The following WDR7 variants were observed in gnomAD, a reference collection of about 807,000 sequenced individuals.
WDR7 encodes WD repeat-containing protein 7.
In WDR7, 46 loss-of-function variants were observed where a neutral mutation model predicts 169.4. That is an observed-to-expected ratio of 0.27 (90% CI 0.21 to 0.35). The LOEUF (loss-of-function observed/expected upper bound fraction) is 0.35, where lower values mean the gene tolerates loss of function less well. Among genes scored for constraint, WDR7 ranks in the 10% least tolerant of loss-of-function variants. The probability of loss-of-function intolerance (pLI) is 1.00; values close to 1 mark genes in which losing one functional copy is unlikely to be tolerated. For synonymous variants in WDR7, 612 were observed against 666.8 expected (o/e 0.92, Z 1.27); for missense variants, 1,534 against 1,859.3 (o/e 0.83, Z 3.22).
chr18:56,753,289 A>G (rs1165546170), intron 14 of WDR7: 1 of 152,158 alleles, frequency 6.6e-6, no homozygotes, highest in Non-Finnish European at 1.5e-5. Flanking sequence ...AACTGGTTGG[A>G]CCAATTAGTT....
rs536118903 is a variant in WDR7 at position 56,924,533 on chromosome 18, C to T, written c.3713+425C>T. On this transcript the variant is annotated intron_variant, in intron 22 of 27. Coordinates refer to ENST00000254442, the MANE Select transcript of WDR7 (RefSeq NM_015285.3). ...TTAAATCAACTACGTTGAGGTTTCA[C>T]TTAAACACAGTAAAGGACCAGCCAT... Among the ~76,000 whole-genome samples the T allele has an allele frequency of 1.1e-3, 166 of 152,288 alleles. 1 individual carries two copies. The highest frequency in any genetic ancestry group is 3.4e-3 in the Middle Eastern group (1 of 294).
intron 19 of WDR7, among the ~76,000 whole-genome samples, chr18:56,803,772 C>A (rs910287265): frequency 6.6e-6 from 1 of 152,148 alleles, no homozygotes; most frequent in African/African-American, 2.4e-5. Flanking sequence ...CTAAACTCAA[C>A]CCCTTGTATC....
chr18:56,997,442 A>G (rs953939159), intron 26 of WDR7, among the ~76,000 whole-genome samples: 1 of 139,272 alleles, frequency 7.2e-6, no homozygotes. Context: ...AAGTTAATGC[A>G]TTATTGTAAA....
chr18:56,843,976 C>A (rs1484570892), intron 20 of WDR7, among the ~76,000 whole-genome samples: 1 of 151,482 alleles, frequency 6.6e-6, no homozygotes. Context: ...AATTGTCCTG[C>A]CTCAGCCTCC....
chr18:56,782,352 AAC>A (rs1174728879), intron 19 of WDR7, among the ~76,000 whole-genome samples: 15 of 152,236 alleles, frequency 9.9e-5, no homozygotes, highest in African/African-American at 3.1e-4. Context: ...TTTTTCTAAA[AAC>A]AGTTTAGTTA....
At chr18:56,882,015 T>C (rs951211326) in intron 21 of WDR7, among the ~76,000 whole-genome samples, 3 of 152,258 alleles carry the variant, frequency 2.0e-5, no homozygotes, top group Non-Finnish European at 4.4e-5. Context: ...CTCAAGTGTC[T>C]TGCGACCTGA....
intron 13 of WDR7, among the ~76,000 whole-genome samples, chr18:56,719,345 C>T (rs2026264316): frequency 6.6e-6 from 1 of 152,058 alleles, no homozygotes; most frequent in Non-Finnish European, 1.5e-5. Flanking sequence ...GGGCGGATCA[C>T]GAGGTCAGGA....
At chr18:56,734,122 C>T (rs1453686969) in intron 14 of WDR7, among the ~76,000 whole-genome samples, 2 of 152,128 alleles carry the variant, frequency 1.3e-5, no homozygotes, top group African/African-American at 4.8e-5. Flanking sequence ...TCTTCCTTTG[C>T]AAAAGGAAGT....
intron 1 of WDR7, among the ~76,000 whole-genome samples, chr18:56,659,069 A>T (rs2144430464): frequency 6.6e-6 from 1 of 152,276 alleles, no homozygotes; most frequent in South Asian, 2.1e-4. Context: ...GGCCTTAGTG[A>T]CTGTAGTAGT....
intron 3 of WDR7, among the ~76,000 whole-genome samples, 158 bp from the exon 4 acceptor site, chr18:56,681,155 G>A (rs1370453590): frequency 6.6e-6 from 1 of 152,098 alleles, no homozygotes; most frequent in African/African-American, 2.4e-5. Flanking sequence ...GAGGGTCGAG[G>A]GAGGACTGGA....
chr18:56,842,116 GT>G, intron 20 of WDR7, among the ~76,000 whole-genome samples: 2 of 152,130 alleles, frequency 1.3e-5, no homozygotes, highest in Middle Eastern at 6.8e-3. Context: ...CAACATATTT[GT>G]TTTCATTTTA....
chr18:56,658,541 A>G (rs2144426664), intron 1 of WDR7, among the ~76,000 whole-genome samples: 1 of 152,370 alleles, frequency 6.6e-6, no homozygotes, highest in Middle Eastern at 3.4e-3. Context: ...GTCAGTGATA[A>G]CAGACTGATA....
downstream of WDR7, chr18:57,031,315 T>A (rs1395571677): frequency 1.3e-5 from 2 of 152,226 alleles, no homozygotes; most frequent in Non-Finnish European, 2.9e-5. Flanking sequence ...GATATTCTAA[T>A]TAATGTCTCT....
intron 19 of WDR7, among the ~76,000 whole-genome samples, chr18:56,790,767 A>G (rs145531741): frequency 1.3e-5 from 2 of 152,040 alleles, no homozygotes; most frequent in African/African-American, 2.4e-5. Flanking sequence ...TGTATTTTAA[A>G]TATGTTTTAA....
intron 25 of WDR7, among the ~76,000 whole-genome samples, chr18:56,947,792 C>T (rs2047127239): frequency 6.6e-6 from 1 of 152,206 alleles, no homozygotes; most frequent in African/African-American, 2.4e-5. Flanking sequence ...CAGAGAAAAG[C>T]ACTCTAGAAT....
chr18:56,743,568 A>G (rs912569246), intron 14 of WDR7, among the ~76,000 whole-genome samples: 2 of 152,238 alleles, frequency 1.3e-5, no homozygotes, highest in African/African-American at 4.8e-5. Flanking sequence ...GTGTTTGTCA[A>G]TGAAGTCATT....
intron 20 of WDR7, among the ~76,000 whole-genome samples, chr18:56,868,269 A>G (rs2045909057): frequency 6.6e-6 from 1 of 152,186 alleles, no homozygotes; most frequent in Admixed American, 6.5e-5. Flanking sequence ...TTATTGCGAT[A>G]TAATTTAAAA....
At chr18:57,032,095 A>G (rs759340794), downstream of WDR7, 51 of 152,220 alleles carry the variant, frequency 3.4e-4, no homozygotes, top group Admixed American at 9.2e-4. Context: ...TCTCACCAAA[A>G]TTTGTAGACA....
At chr18:56,801,956 A>T (rs1205368567) in intron 19 of WDR7, among the ~76,000 whole-genome samples, 4 of 152,168 alleles carry the variant, frequency 2.6e-5, no homozygotes, top group Non-Finnish European at 5.9e-5. Flanking sequence ...CAGGTTTCAT[A>T]AATTTCATGT....
Sources: allele counts gnomAD v4.1 joint callset (sites outside exome capture counted in the v4.1 genomes callset), GRCh38; gene constraint gnomAD v4.1.1; transcripts MANE v1.5; gene names NCBI Gene and HGNC (gene_info 2026-07-23, HGNC 2026-07-21).